The following SNTG1 variants were observed in gnomAD, a reference collection of about 807,000 sequenced individuals.
The protein encoded by SNTG1 is syntrophin gamma 1, also known as gamma-1-syntrophin.
SNTG1 carries 39 observed loss-of-function variants against 74.7 expected under a neutral mutation model. The observed-to-expected ratio is 0.52, with a 90% CI of 0.40 to 0.68. The LOEUF (loss-of-function observed/expected upper bound fraction) is 0.68, where lower values mean the gene tolerates loss of function less well. SNTG1 is among the 30% of genes least tolerant of loss of function. The pLI is 0.00. For synonymous variants in SNTG1, 254 were observed against 217.1 expected (o/e 1.17, Z -1.49); for missense variants, 685 against 609.5 (o/e 1.12, Z -1.30).
At chr8:50,674,406 G>A (rs911073516) in intron 15 of SNTG1, among the ~76,000 whole-genome samples, 2 of 151,762 alleles carry the variant, frequency 1.3e-5, no homozygotes, top group African/African-American at 4.8e-5. Context: ...GTCTTGGGAG[G>A]GTGTATGTGT....
In SNTG1 at chr8:50,708,894, C is replaced by A; in HGVS notation, c.1200C>A (p.Thr400=). 6.2e-7 allele frequency: 1 copy of A among 1,611,634 alleles called. No homozygotes were observed. Among genetic ancestry groups the A allele is most frequent in the Non-Finnish European group, 8.5e-7 (1 of 1,177,956 alleles). The part of the protein sequence containing the change: ...FLEVERIQCK[T]YACVLESHLM... ...CTTTCTGTTCTACCTAGTGCAAGAC[C>A]TATGCATGTGTGCTAGAAAGTCATC... Residue 400 remains threonine, a synonymous_variant, in exon 17 of 19, where the codon ACC becomes ACA. Coordinates refer to ENST00000642720, the MANE Select transcript of SNTG1 (RefSeq NM_018967.5).
chr8:50,030,614 CTTA>C (rs1487657403), intron 1 of SNTG1, among the ~76,000 whole-genome samples: 3 of 151,976 alleles, frequency 2.0e-5, no homozygotes, highest in East Asian at 1.9e-4. Context: ...CATTTCTCCA[CTTA>C]TTATTGTTTT....
intron 1 of SNTG1, among the ~76,000 whole-genome samples, chr8:50,051,148 G>A (rs1819535786): frequency 6.6e-6 from 1 of 151,462 alleles, no homozygotes; most frequent in Non-Finnish European, 1.5e-5. Context: ...AGCCAGGTTA[G>A]TACGGCAAGA....
chr8:50,686,103 G>A (rs1477510079), intron 15 of SNTG1, among the ~76,000 whole-genome samples: 8 of 151,956 alleles, frequency 5.3e-5, no homozygotes, highest in Non-Finnish European at 1.2e-4. Context: ...AAATATTATG[G>A]ACTACTTAAT....
intron 15 of SNTG1, among the ~76,000 whole-genome samples, chr8:50,691,433 G>A (rs1205631913): frequency 6.6e-6 from 1 of 152,098 alleles, no homozygotes; most frequent in Non-Finnish European, 1.5e-5. Context: ...AGCTCTTTTA[G>A]TGCAGGCCTG....
intron 13 of SNTG1, chr8:50,644,255 A>T (rs2095092748): frequency 6.6e-6 from 1 of 152,180 alleles, no homozygotes; most frequent in Non-Finnish European, 1.5e-5. Context: ...AAATGATTGT[A>T]CAGTTGACCC....
intron 2 of SNTG1, among the ~76,000 whole-genome samples, chr8:50,280,342 A>T (rs1305313326): frequency 1.3e-5 from 2 of 152,206 alleles, no homozygotes; most frequent in African/African-American, 2.4e-5. Flanking sequence ...AAATTTCTAG[A>T]TGTGGGTTGG....
At chr8:50,590,852 A>T in intron 12 of SNTG1, 27 bp from the exon 13 acceptor site, 1 of 1,462,434 alleles carries the variant, frequency 6.8e-7, no homozygotes, top group Non-Finnish European at 9.3e-7. Context: ...TGTTCTTCTC[A>T]CTTTTATTAT....
At chr8:49,955,755 G>A (rs1056417470) in intron 1 of SNTG1, among the ~76,000 whole-genome samples, 1 of 152,160 alleles carries the variant, frequency 6.6e-6, no homozygotes, top group African/African-American at 2.4e-5. Context: ...AACCACTGTG[G>A]TGGCCCACGC....
intron 8 of SNTG1, among the ~76,000 whole-genome samples, chr8:50,475,571 G>A (rs2093690771): frequency 1.3e-5 from 2 of 152,100 alleles, no homozygotes; most frequent in African/African-American, 4.8e-5. Flanking sequence ...GTAGATCCCA[G>A]TAAAATTCAA....
intron 2 of SNTG1, among the ~76,000 whole-genome samples, chr8:50,216,774 A>C (rs1042482129): frequency 6.6e-6 from 1 of 152,114 alleles, no homozygotes; most frequent in African/African-American, 2.4e-5. Flanking sequence ...AAAGTTGCTA[A>C]AATTTTATGT....
chr8:50,043,616 G>A (rs1818828436), intron 1 of SNTG1, among the ~76,000 whole-genome samples: 1 of 152,164 alleles, frequency 6.6e-6, no homozygotes, highest in African/African-American at 2.4e-5. Context: ...TGCAATTAAG[G>A]GACCCAGTGG....
intron 1 of SNTG1, among the ~76,000 whole-genome samples, chr8:50,047,700 C>A (rs1232249763): frequency 6.6e-6 from 1 of 152,120 alleles, no homozygotes; most frequent in Non-Finnish European, 1.5e-5. Flanking sequence ...CAGTCACCTT[C>A]TGCAAAGTAA....
In SNTG1 at chr8:50,238,093, C is replaced by T. The variant is rs117374104; in HGVS notation, c.-28+65458C>T. Among the ~76,000 whole-genome samples the T allele has an allele frequency of 4.6e-4, 70 of 152,182 alleles. 1 individual carries two copies. The East Asian group carries it at 0.014, about 29-fold the overall frequency. Reference sequence around the variant, plus strand: ...CCCAAAGCAGTTTCTAGATTCAATGCTATTCCTATCACACTACCAATGACA... The same window carrying T: ...CCCAAAGCAGTTTCTAGATTCAATGTTATTCCTATCACACTACCAATGACA... On this transcript the variant is annotated intron_variant, in intron 2 of 18. Coordinates refer to ENST00000642720, the MANE Select transcript of SNTG1 (RefSeq NM_018967.5).
intron 1 of SNTG1, among the ~76,000 whole-genome samples, chr8:49,975,385 G>T (rs1812096533): frequency 6.6e-6 from 1 of 152,040 alleles, no homozygotes; most frequent in South Asian, 2.1e-4. Flanking sequence ...GTTGATGTTG[G>T]TGATATGATA....
intron 11 of SNTG1, among the ~76,000 whole-genome samples, chr8:50,542,290 G>T (rs1295183946): frequency 1.3e-5 from 2 of 151,092 alleles, no homozygotes; most frequent in Admixed American, 6.6e-5. Flanking sequence ...CGAGTAGCTG[G>T]GATTACAGGC....
chr8:50,087,932 T>TC (rs1823061614), intron 1 of SNTG1, among the ~76,000 whole-genome samples: 1 of 69,626 alleles, frequency 1.4e-5, no homozygotes, highest in Non-Finnish European at 2.6e-5. Context: ...CCCTCCCCCC[T>TC]CCCCCCACCC....
At chr8:50,154,600 C>T (rs141506330) in intron 1 of SNTG1, among the ~76,000 whole-genome samples, 31 of 152,304 alleles carry the variant, frequency 2.0e-4, no homozygotes, top group African/African-American at 7.0e-4. Context: ...TGTCGTTCCT[C>T]AAATAATGAA....
chr8:50,751,933 A>G, intron 17 of SNTG1, 68 bp from the exon 18 acceptor site: 1 of 901,104 alleles, frequency 1.1e-6, no homozygotes, highest in East Asian at 2.9e-5. Flanking sequence ...TTTAAAAAAG[A>G]ACTATTTCTT....
Sources: allele counts gnomAD v4.1 joint callset (sites outside exome capture counted in the v4.1 genomes callset), GRCh38; gene constraint gnomAD v4.1.1; transcripts MANE v1.5; gene names NCBI Gene and HGNC (gene_info 2026-07-23, HGNC 2026-07-21).